Variants in THEMIS2 observed in about 807,000 individuals in gnomAD.
THEMIS2 encodes protein THEMIS2.
In THEMIS2, 29 loss-of-function variants were observed where a neutral mutation model predicts 46.8. The ratio of observed to expected loss-of-function variants is 0.62; its 90% CI spans 0.46 to 0.84. THEMIS2 has a LOEUF of 0.84. Among genes scored for constraint, THEMIS2 ranks in the 40% least tolerant of loss-of-function variants. The pLI, the probability that THEMIS2 is intolerant of heterozygous loss-of-function variation, is 0.00. For synonymous variants in THEMIS2, 335 were observed against 349.1 expected, an observed-to-expected ratio of 0.96 and a Z score of 0.45; for missense variants, 698 against 834.7, an observed-to-expected ratio of 0.84 and a Z score of 2.02.
chr1:27,875,893 G>A (rs1039496575), intron 1 of THEMIS2, among the ~76,000 whole-genome samples: 13 of 151,646 alleles, frequency 8.6e-5, no homozygotes, highest in African/African-American at 2.4e-4. Flanking sequence ...TAGTAGAGTC[G>A]GGGTTTCCCT....
At chr1:27,879,355 G>A (rs1236162211) in intron 2 of THEMIS2, among the ~76,000 whole-genome samples, 1 of 152,086 alleles carries the variant, frequency 6.6e-6, no homozygotes, top group Non-Finnish European at 1.5e-5. Flanking sequence ...GAAGTCTAGT[G>A]TGTCTGTCAG....
intron 2 of THEMIS2, among the ~76,000 whole-genome samples, chr1:27,877,356 C>T (rs1304939765): frequency 1.3e-5 from 2 of 152,040 alleles, no homozygotes; most frequent in Non-Finnish European, 1.5e-5. Flanking sequence ...GATGGAGTCT[C>T]GCTCTGTCAC....
rs1482552989 is a variant in THEMIS2, at chr1:27,882,789, A to C, written c.1465A>C (p.Ser489Arg). 2 of 1,613,626 alleles carry C rather than the reference A, an allele frequency of 1.2e-6. No individual in the cohort carries two copies. The highest frequency in any genetic ancestry group is 1.7e-6 in the Non-Finnish European group (2 of 1,179,818). The change falls in exon 4 of 6, where the codon AGC becomes CGC. Residue 489 changes from serine (S) to arginine (R), a missense_variant. Physicochemically the swap from Ser to Arg is moderately radical, Grantham distance 110. Transcript: ENST00000373921. This position sits in a 1 kb window ranked among gnomAD's most constrained non-coding sequence, Gnocchi z 7.6. ...EKITEPFLVV[S>R]LDSEPGMCFE... is the part of the protein sequence containing the mutation. ...GATCACAGAGCCATTCTTGGTGGTGAGCCTAGACTCTGAGCCTGGGATGTG... is the reference window on the plus strand; with the variant it reads ...GATCACAGAGCCATTCTTGGTGGTGCGCCTAGACTCTGAGCCTGGGATGTG...
At chr1:27,885,759 A>T in intron 5 of THEMIS2, 108 bp from the exon 6 acceptor site, 1 of 1,099,176 alleles carries the variant, frequency 9.1e-7, no homozygotes, top group South Asian at 1.3e-5. Context: ...CAAAGACCGT[A>T]GGGCATCCAG....
chr1:27,884,051 A>G (rs1381210535), intron 4 of THEMIS2: 1 of 152,222 alleles, frequency 6.6e-6, no homozygotes, highest in African/African-American at 2.4e-5. Flanking sequence ...TAGACCTGTG[A>G]TATCCTCTGC....
chr1:27,873,688 C>A (rs149792868), intron 1 of THEMIS2, among the ~76,000 whole-genome samples: 1 of 152,188 alleles, frequency 6.6e-6, no homozygotes, highest in Non-Finnish European at 1.5e-5. Context: ...GGTTCAAATT[C>A]TGACTCTACC....
chr1:27,879,997 C>T lies in THEMIS2; in HGVS notation c.589C>T (p.Leu197=), dbSNP rs1366155375. 1 of 1,612,388 alleles carries T rather than the reference C, an allele frequency of 6.2e-7. No individual in the cohort carries two copies. Among genetic ancestry groups the T allele is most frequent in the Non-Finnish European group, 8.5e-7 (1 of 1,178,842 alleles). ...AGACCTCGTCCTCACCTGCCCCACCCTGCCCTGGCATTCCCTGATCCTGCG... is the reference window on the plus strand; with the variant it reads ...AGACCTCGTCCTCACCTGCCCCACCTTGCCCTGGCATTCCCTGATCCTGCG... ...LKDLVLTCPT[L]PWHSLILRPQ... The change falls in exon 3 of 6, where the codon CTG becomes TTG. Residue 197 remains leucine (L), a synonymous_variant. Coordinates refer to ENST00000373921, the MANE Select transcript of THEMIS2 (RefSeq NM_001105556.3).
At chr1:27,881,850 A>T (rs2089683746) in intron 3 of THEMIS2, 121 bp from the exon 4 acceptor site, 3 of 755,708 alleles carry the variant, frequency 4.0e-6, no homozygotes, top group Admixed American at 2.9e-5. Flanking sequence ...CTCAAAAAAA[A>T]AAAAAGAAAG....
intron 1 of THEMIS2, among the ~76,000 whole-genome samples, chr1:27,874,086 G>A (rs954253749): frequency 1.5e-5 from 2 of 130,124 alleles, no homozygotes; most frequent in Non-Finnish European, 3.0e-5. Context: ...AGGCTGGAGT[G>A]CAGTGGCACG....
chr1:27,873,835 A>T (rs977265277), intron 1 of THEMIS2, among the ~76,000 whole-genome samples: 1 of 151,894 alleles, frequency 6.6e-6, no homozygotes, highest in East Asian at 1.9e-4. Context: ...CTGACGCGGG[A>T]TGGTGGAAAT....
chr1:27,883,271 C>G, intron 4 of THEMIS2: 1 of 559,266 alleles, frequency 1.8e-6, no homozygotes, highest in Non-Finnish European at 3.2e-6. Flanking sequence ...CTAAGACTTG[C>G]CCAGGGTCCC....
chr1:27,875,651 T>C (rs143715955), intron 1 of THEMIS2, among the ~76,000 whole-genome samples: 1,812 of 152,336 alleles, frequency 0.012, 20 homozygotes, highest in Admixed American at 0.026. Flanking sequence ...ATTGAGCAAC[T>C]TCTGTGTTCT....
rs759598961 is a variant in THEMIS2, at chr1:27,886,257, A to G, written c.*335A>G. 5.6e-6 allele frequency: 2 copies of G among 355,654 alleles called. No homozygotes were observed. The highest frequency in any genetic ancestry group is 3.1e-5 in the South Asian group (1 of 32,420). The allele number at this position is 355,654 out of a possible 1,614,324, so 22.0% of individuals were successfully genotyped here. On this transcript the variant is annotated 3_prime_UTR_variant, in exon 6 of 6. Transcript: ENST00000373921. ...TGCAGAGGGGAATCCGAGGCCATCA[A>G]CCTTGGTGACAGCAGCGCAGTGCCA...
intron 4 of THEMIS2, 85 bp from the exon 5 acceptor site, chr1:27,885,210 G>A: frequency 1.4e-6 from 2 of 1,419,694 alleles, no homozygotes; most frequent in Non-Finnish European, 1.9e-6. Flanking sequence ...CAGAGGAAGT[G>A]ACACTTAACG....
At chr1:27,873,536 C>G (rs567673638) in intron 1 of THEMIS2, among the ~76,000 whole-genome samples, 5 of 152,246 alleles carry the variant, frequency 3.3e-5, no homozygotes, top group South Asian at 2.1e-4. Flanking sequence ...CAGAAAAACG[C>G]TCTGTCGCAG....
intron 2 of THEMIS2, among the ~76,000 whole-genome samples, chr1:27,878,096 G>A (rs530844218): frequency 9.6e-5 from 14 of 145,894 alleles, no homozygotes; most frequent in African/African-American, 3.1e-4. Context: ...GTTGCAGCCT[G>A]TGCAATAGAG....
At chr1:27,875,985 A>G (rs2089570700) in intron 1 of THEMIS2, among the ~76,000 whole-genome samples, 1 of 152,210 alleles carries the variant, frequency 6.6e-6, no homozygotes, top group East Asian at 1.9e-4. Context: ...TACAGGCGTG[A>G]GCCACCGCGC....
At chr1:27,878,892 A>G (rs931681565) in intron 2 of THEMIS2, among the ~76,000 whole-genome samples, 5 of 152,168 alleles carry the variant, frequency 3.3e-5, no homozygotes, top group African/African-American at 1.2e-4. Flanking sequence ...CTGTTTCTTC[A>G]TTCTCCTTCA....
chr1:27,882,809 G>C lies in THEMIS2; in HGVS notation c.1485G>C (p.Gly495=), dbSNP rs754668626. The change falls in exon 4 of 6, where the codon GGG becomes GGC. Residue 495 remains glycine, a synonymous_variant. Coordinates refer to ENST00000373921, the MANE Select transcript of THEMIS2 (RefSeq NM_001105556.3). The surrounding 1 kb of genome is among the most constrained non-coding windows in gnomAD (Gnocchi z 7.6). ...TGGTGAGCCTAGACTCTGAGCCTGG[G>C]ATGTGCTTTGAGATCCCTCCCCGGT... ...FLVVSLDSEP[G]MCFEIPPRWL... The C allele has an allele frequency of 6.2e-7, 1 of 1,613,954 alleles. No individual in the cohort carries two copies. The highest frequency in any genetic ancestry group is 2.2e-5 in the East Asian group (1 of 44,870).
Sources: gnomAD v4.1 joint callset for allele counts (sites outside exome capture counted in the v4.1 genomes callset) on GRCh38, gnomAD v4.1.1 for gene constraint, Gnocchi (gnomAD v3.1) non-coding constraint, MANE v1.5 for transcripts, NCBI Gene and HGNC (gene_info 2026-07-23, HGNC 2026-07-21) for gene names.